CNTNAP5: variants seen among roughly 807,000 people sequenced by gnomAD.
CNTNAP5 encodes the protein contactin-associated protein-like 5.
In CNTNAP5, 72 loss-of-function variants were observed where a neutral mutation model predicts 150.2. That is an observed-to-expected ratio of 0.48 (90% CI 0.40 to 0.58). The LOEUF is 0.58. Ranked by LOEUF, CNTNAP5 falls within the 20% of genes least tolerant of loss-of-function variation. CNTNAP5 has a pLI of 0.00. For missense variants in CNTNAP5, 1,636 were observed against 1,626.2 expected, an observed-to-expected ratio of 1.01 and a Z score of -0.10; for synonymous variants, 672 against 619.8, an observed-to-expected ratio of 1.08 and a Z score of -1.25.
chr2:124,633,238 T>A (rs1261994537), intron 12 of CNTNAP5, among the ~76,000 whole-genome samples: 1 of 152,144 alleles, frequency 6.6e-6, no homozygotes, highest in African/African-American at 2.4e-5. Context: ...GTGTCTCACT[T>A]GAGACAAGGC....
At chr2:124,736,210 A>G (rs1680379021) in intron 13 of CNTNAP5, among the ~76,000 whole-genome samples, 1 of 152,182 alleles carries the variant, frequency 6.6e-6, no homozygotes, top group Non-Finnish European at 1.5e-5. Flanking sequence ...AGACTGTGCA[A>G]CAGAGAAAGA....
At chr2:124,566,607 T>C (rs1253855248) in intron 11 of CNTNAP5, among the ~76,000 whole-genome samples, 1 of 152,244 alleles carries the variant, frequency 6.6e-6, no homozygotes, top group Non-Finnish European at 1.5e-5. Flanking sequence ...GCTGCAACTT[T>C]GTGAAACTCT....
intron 1 of CNTNAP5, among the ~76,000 whole-genome samples, chr2:124,129,549 A>G (rs1227061486): frequency 1.3e-5 from 2 of 152,224 alleles, no homozygotes; most frequent in Admixed American, 1.3e-4. Context: ...GACAAAGGGC[A>G]AGGAAGAGGG....
At chr2:124,433,348 A>G (rs572876985) in intron 4 of CNTNAP5, among the ~76,000 whole-genome samples, 2 of 152,236 alleles carry the variant, frequency 1.3e-5, no homozygotes, top group Non-Finnish European at 2.9e-5. Context: ...TTTGTTCCGT[A>G]TAAATAAATT....
intron 10 of CNTNAP5, among the ~76,000 whole-genome samples, chr2:124,551,733 C>T (rs1695632068): frequency 6.6e-6 from 1 of 152,136 alleles, no homozygotes; most frequent in African/African-American, 2.4e-5. Context: ...TATAGAGAAT[C>T]ATTTATCTGA....
At chr2:124,208,424 T>C (rs1038794598) in intron 1 of CNTNAP5, among the ~76,000 whole-genome samples, 2 of 152,224 alleles carry the variant, frequency 1.3e-5, no homozygotes, top group Admixed American at 6.5e-5. Flanking sequence ...ATGTAATACA[T>C]TCAGGTCTTC....
chr2:124,192,457 C>T (rs1685482252), intron 1 of CNTNAP5, among the ~76,000 whole-genome samples: 1 of 152,126 alleles, frequency 6.6e-6, no homozygotes, highest in Non-Finnish European at 1.5e-5. Context: ...GCTCCCCATG[C>T]CCTGAGGACA....
intron 1 of CNTNAP5, among the ~76,000 whole-genome samples, chr2:124,102,809 G>A (rs1683092866): frequency 1.3e-5 from 2 of 152,186 alleles, no homozygotes; most frequent in Admixed American, 1.3e-4. Context: ...ATGTTGTGAG[G>A]ATAAATGAGC....
chr2:124,032,599 C>T (rs1681086258), intron 1 of CNTNAP5, among the ~76,000 whole-genome samples: 1 of 151,694 alleles, frequency 6.6e-6, no homozygotes, highest in African/African-American at 2.4e-5. Flanking sequence ...AAATAATGGC[C>T]AAGTAAATTT....
intron 3 of CNTNAP5, among the ~76,000 whole-genome samples, chr2:124,372,643 G>A (rs1230131304): frequency 6.6e-6 from 1 of 152,072 alleles, no homozygotes; most frequent in Non-Finnish European, 1.5e-5. Flanking sequence ...AAGAAGTTAA[G>A]TTCCTGAAGC....
intron 1 of CNTNAP5, among the ~76,000 whole-genome samples, chr2:124,046,387 C>T (rs1344478642): frequency 1.4e-5 from 2 of 144,630 alleles, no homozygotes; most frequent in Non-Finnish European, 3.0e-5. Flanking sequence ...GAGCCTTTCC[C>T]TTTGTCCTTT....
chr2:124,616,842 A>G (rs1677503258), intron 12 of CNTNAP5, among the ~76,000 whole-genome samples: 1 of 152,172 alleles, frequency 6.6e-6, no homozygotes, highest in Non-Finnish European at 1.5e-5. Context: ...AGAGACAGAA[A>G]TCATTGGCCA....
intron 3 of CNTNAP5, among the ~76,000 whole-genome samples, chr2:124,390,243 C>A (rs1258392368): frequency 1.3e-5 from 2 of 152,164 alleles, no homozygotes; most frequent in African/African-American, 4.8e-5. Context: ...TTAAATTTTT[C>A]TTTGTGATTT....
rs149297784 is a variant in CNTNAP5 at position 124,832,917 on chromosome 2, TCC to T, written c.3218-32388_3218-32387del. Among the ~76,000 whole-genome samples the T allele has an allele frequency of 5.7e-3, 799 of 140,904 alleles. 19 individuals are homozygous for T. The highest frequency in any genetic ancestry group is 0.02 in the African/African-American group (670 of 33,692). 92.4% of individuals were successfully genotyped at this position (140,904 alleles called of 152,430 possible). Reference sequence around the variant, plus strand: ...ACTTTCTTTTTCTTTTTTTTTCTTTTCCTTTTTTTTTTTGAGACAGGGTCTGC... The same window carrying T: ...ACTTTCTTTTTCTTTTTTTTTCTTTTTTTTTTTTTTTGAGACAGGGTCTGC... On this transcript the variant is annotated intron_variant, in intron 19 of 23. Transcript: ENST00000682447.
intron 11 of CNTNAP5, among the ~76,000 whole-genome samples, chr2:124,607,581 A>G (rs1677276867): frequency 2.0e-5 from 3 of 152,232 alleles, no homozygotes; most frequent in African/African-American, 7.2e-5. Context: ...GTATCTGTCC[A>G]TCACGGGAAT....
chr2:124,344,194 C>T (rs975780067), intron 3 of CNTNAP5, among the ~76,000 whole-genome samples: 3 of 152,008 alleles, frequency 2.0e-5, no homozygotes, highest in African/African-American at 4.8e-5. Flanking sequence ...AGCAATTTCA[C>T]CCCTGCCCCC....
intron 3 of CNTNAP5, among the ~76,000 whole-genome samples, chr2:124,277,331 G>A (rs1228651060): frequency 1.3e-5 from 2 of 152,118 alleles, no homozygotes; most frequent in African/African-American, 2.4e-5. Context: ...TTGGGCAAGA[G>A]AGCTTTTATT....
In CNTNAP5 at chr2:124,419,151, A is replaced by AC. The variant is rs1558893396; in HGVS notation, c.529+1561_529+1562insC. 1.2e-3 allele frequency among the ~76,000 whole-genome samples: 167 copies of AC among 141,554 alleles called. 6 individuals carry two copies. The highest frequency in any genetic ancestry group is 3.4e-3 in the African/African-American group (132 of 39,138). The allele number at this position is 141,554 out of a possible 152,430, so 92.9% of individuals were successfully genotyped here. On this transcript the variant is annotated intron_variant, in intron 4 of 23. Transcript: ENST00000682447. The stretch of plus-strand genomic sequence containing the variant: ...GCGAGACTCCTTCTCAAAAAAAAAA[A>AC]AAAAAAAAAAAACAGTATGAAGCTT...
In CNTNAP5 at chr2:124,446,776, A is replaced by C. The variant is rs746938239; in HGVS notation, c.757A>C (p.Ser253Arg). 5.8e-5 allele frequency: 93 copies of C among 1,613,630 alleles called. No homozygotes were observed. Among genetic ancestry groups the C allele is most frequent in the Non-Finnish European group, 7.4e-5 (87 of 1,179,778 alleles). Residue 253 changes from serine (S) to arginine (R), a missense_variant, in exon 6 of 24, where the codon AGC becomes CGC. By Grantham distance (110) the Ser-to-Arg change is moderately radical (BLOSUM62 -1). Transcript: ENST00000682447. ...NLGDSKARLS[S>R]SLPSATLGSL... ...AGGTGACAGCAAAGCGCGGCTCAGC[A>C]GCAGCTTGCCCTCTGCCACCCTGGG...
Sources: allele counts gnomAD v4.1 joint callset (sites outside exome capture counted in the v4.1 genomes callset), GRCh38; gene constraint gnomAD v4.1.1; transcripts MANE v1.5; gene names NCBI Gene and HGNC (gene_info 2026-07-23, HGNC 2026-07-21).